Variants in ARL10 observed in about 807,000 individuals in gnomAD.
ARL10 encodes the protein ADP-ribosylation factor-like protein 10.
In ARL10, 23 loss-of-function variants were observed where a neutral mutation model predicts 26.1. The observed-to-expected ratio is 0.88, with a 90% CI of 0.63 to 1.25. The LOEUF (loss-of-function observed/expected upper bound fraction) is 1.25. Among genes scored for constraint, ARL10 ranks in the 50% most tolerant of loss-of-function variants. The probability of loss-of-function intolerance (pLI) is 0.00; values close to 1 mark genes in which losing one functional copy is unlikely to be tolerated. For missense variants in ARL10, 300 were observed against 323.6 expected, an observed-to-expected ratio of 0.93 and a Z score of 0.56; for synonymous variants, 138 against 149.1, an observed-to-expected ratio of 0.93 and a Z score of 0.54.
chr5:176,392,282 C>T (rs1027509977), downstream of ARL10, among the ~76,000 whole-genome samples: 11 of 152,158 alleles, frequency 7.2e-5, no homozygotes, highest in African/African-American at 2.4e-4. The surrounding 1 kb of genome is among the most constrained non-coding windows in gnomAD (Gnocchi z 5.2). Flanking sequence ...GTTAAAGGAT[C>T]GAGGTTACAA....
At chr5:176,409,975 G>A in the ARL10 span, among the ~76,000 whole-genome samples, 1 of 152,150 alleles carries the variant, frequency 6.6e-6, no homozygotes, top group Non-Finnish European at 1.5e-5. Flanking sequence ...TTCATCTCAT[G>A]CTGCTGTGGG....
intron 3 of ARL10, among the ~76,000 whole-genome samples, chr5:176,371,197 A>T (rs1448675037): frequency 1.3e-5 from 2 of 152,192 alleles, no homozygotes; most frequent in Admixed American, 6.5e-5. Context: ...CAGCACGGCG[A>T]AACCCCGTCT....
Position 176,380,877 on chromosome 5 carries a change from C to T in ARL10, c.*8982C>T, listed in dbSNP as rs1181468183. ...GCCTCCAGGGCACAAGAGATTTTGCCACCTCAGCCTCCTGAGTAGCTGGGA... is the reference window on the plus strand; with the variant it reads ...GCCTCCAGGGCACAAGAGATTTTGCTACCTCAGCCTCCTGAGTAGCTGGGA... On this transcript the variant is annotated 3_prime_UTR_variant, in exon 4 of 4. Transcript: ENST00000310389. The T allele has an allele frequency of 6.6e-6, 1 of 152,132 alleles. No individual in the cohort carries two copies. The highest frequency in any genetic ancestry group is 1.9e-4 in the East Asian group (1 of 5,192). The allele number at this position is 152,132 out of a possible 1,614,324, so 9.4% of individuals were successfully genotyped here. A position where few individuals can be genotyped will look rare whatever the true frequency, so the allele number is the denominator to read the frequency against.
At chr5:176,410,254 T>C in the ARL10 span, 1 of 1,613,890 alleles carries the variant, frequency 6.2e-7, no homozygotes, top group East Asian at 2.2e-5. Flanking sequence ...GAGCCTTGCT[T>C]ACCTGAAACA....
At chr5:176,367,471 G>A (rs1581391821) in intron 2 of ARL10, among the ~76,000 whole-genome samples, 1 of 152,080 alleles carries the variant, frequency 6.6e-6, no homozygotes, top group Non-Finnish European at 1.5e-5. Context: ...TTCCCCTTCT[G>A]TCCCTAGTGT....
chr5:176,411,870 TC>T, the ARL10 span, among the ~76,000 whole-genome samples: 1 of 152,108 alleles, frequency 6.6e-6, no homozygotes, highest in South Asian at 2.1e-4. Flanking sequence ...TCTTCCTGCT[TC>T]CCTCTCTAAA....
downstream of ARL10, chr5:176,388,687 C>T: frequency 7.2e-7 from 1 of 1,379,752 alleles, no homozygotes; most frequent in Non-Finnish European, 1.0e-6. Flanking sequence ...CTGAGCACTA[C>T]GACTCCCAGG....
At chr5:176,406,919 T>C in the ARL10 span, among the ~76,000 whole-genome samples, 1 of 152,024 alleles carries the variant, frequency 6.6e-6, no homozygotes, top group African/African-American at 2.4e-5. Flanking sequence ...GCACACCGGG[T>C]CGGAGCCCAG....
chr5:176,398,303 T>C (rs1756650970), intron 1 of ARL10, among the ~76,000 whole-genome samples: 1 of 152,184 alleles, frequency 6.6e-6, no homozygotes, highest in Non-Finnish European at 1.5e-5. Flanking sequence ...TAGGTTTTGA[T>C]ACCCCCAAAG....
downstream of ARL10, among the ~76,000 whole-genome samples, chr5:176,389,127 C>CG (rs1756149038): frequency 6.6e-6 from 1 of 151,370 alleles, no homozygotes; most frequent in Non-Finnish European, 1.5e-5. Context: ...CTGATTGGAG[C>CG]GGGAGCAGCG....
downstream of ARL10, among the ~76,000 whole-genome samples, chr5:176,404,294 C>G (rs915446058): frequency 6.6e-6 from 1 of 152,214 alleles, no homozygotes; most frequent in African/African-American, 2.4e-5. Context: ...GGTCTCATGG[C>G]CCGCCTTCCT....
chr5:176,410,994 C>G, the ARL10 span, among the ~76,000 whole-genome samples: 5 of 152,188 alleles, frequency 3.3e-5, no homozygotes, highest in African/African-American at 1.2e-4. Context: ...CACTCTCTCC[C>G]GCAGCTCAGC....
In ARL10 at chr5:176,371,897, C is replaced by G. The variant is rs1182336864; in HGVS notation, c.*2C>G. The stretch of plus-strand genomic sequence containing the variant: ...CTGCTCTTGGAGCTCCTCTCCTAGG[C>G]TGGAGCTCTCCTGCTTGCCACCTGC... On this transcript the variant is annotated 3_prime_UTR_variant, in exon 4 of 4. Coordinates refer to ENST00000310389, the MANE Select transcript of ARL10 (RefSeq NM_173664.6). The G allele has an allele frequency of 6.2e-7, 1 of 1,613,354 alleles. No homozygotes were observed. The highest frequency in any genetic ancestry group is 1.7e-5 in the Admixed American group (1 of 59,938).
downstream of ARL10, chr5:176,384,165 C>T (rs748124697): frequency 6.6e-5 from 106 of 1,613,858 alleles, no homozygotes; most frequent in Middle Eastern, 1.6e-4. Context: ...CCTTGCCTTA[C>T]ACCCTGGCTC....
rs971069803 is a variant in ARL10, at chr5:176,365,536, C to T, written c.-28C>T. ...GGGCGAGTGGGCTCGGCCTGTGCAA[C>T]CCGCACCTGCGTCCCTCGCCCGGCC... On this transcript the variant is annotated 5_prime_UTR_variant, in exon 1 of 4. Transcript: ENST00000310389. 32 of 1,223,116 alleles carry T rather than the reference C, an allele frequency of 2.6e-5. No individual in the cohort carries two copies. The highest frequency in any genetic ancestry group is 3.2e-5 in the Non-Finnish European group (31 of 982,488). The allele number at this position is 1,223,116 out of a possible 1,614,324, so 75.8% of individuals were successfully genotyped here. A position where few individuals can be genotyped will look rare whatever the true frequency, so the allele number is the denominator to read the frequency against.
the ARL10 span, among the ~76,000 whole-genome samples, chr5:176,410,547 A>G: frequency 6.6e-6 from 1 of 152,174 alleles, no homozygotes; most frequent in Non-Finnish European, 1.5e-5. Flanking sequence ...AATTGTTGTC[A>G]ACCCATTTTA....
chr5:176,386,600 C>G, downstream of ARL10: 1 of 603,946 alleles, frequency 1.7e-6, no homozygotes, highest in Non-Finnish European at 3.1e-6. Context: ...TCCCAGGCAC[C>G]TGGGTACATC....
chr5:176,392,496 AAG>A (rs1756296119), downstream of ARL10: 1 of 414,642 alleles, frequency 2.4e-6, no homozygotes, highest in Admixed American at 3.8e-5. The surrounding 1 kb of genome is among the most constrained non-coding windows in gnomAD (Gnocchi z 5.2). Context: ...TAAGTGTAAA[AAG>A]AGTCAACAAC....
the ARL10 span, among the ~76,000 whole-genome samples, chr5:176,412,723 T>TGA: frequency 6.6e-6 from 1 of 152,158 alleles, no homozygotes; most frequent in African/African-American, 2.4e-5. Context: ...AACCAGTGAT[T>TGA]GATTCCAACC....
Sources: allele counts gnomAD v4.1 joint callset (sites outside exome capture counted in the v4.1 genomes callset), GRCh38; gene constraint gnomAD v4.1.1; non-coding constraint Gnocchi (gnomAD v3.1); transcripts MANE v1.5; gene names NCBI Gene and HGNC (gene_info 2026-07-23, HGNC 2026-07-21).